Variants in PDE4D observed in about 807,000 individuals in gnomAD.
The protein encoded by PDE4D is phosphodiesterase 4D, also known as 3',5'-cyclic-AMP phosphodiesterase 4D.
In PDE4D, 24 loss-of-function variants were observed where a neutral mutation model predicts 87.4. The observed-to-expected ratio is 0.27, with a 90% CI of 0.20 to 0.39. The LOEUF (loss-of-function observed/expected upper bound fraction) is 0.39, where lower values mean the gene tolerates loss of function less well. Ranked by LOEUF, PDE4D falls within the 10% of genes least tolerant of loss-of-function variation. The pLI, the probability that PDE4D is intolerant of heterozygous loss-of-function variation, is 1.00. For synonymous variants in PDE4D, 384 were observed against 383.2 expected (o/e 1.00, Z -0.02); for missense variants, 714 against 1,041.0 (o/e 0.69, Z 4.32).
intron 1 of PDE4D, among the ~76,000 whole-genome samples, chr5:60,349,401 A>C (rs1347953380): frequency 6.6e-6 from 1 of 152,198 alleles, no homozygotes; most frequent in Non-Finnish European, 1.5e-5. Flanking sequence ...AATCAAATAG[A>C]GACTGAGTGT....
chr5:59,043,540 T>C (rs1654553804), intron 5 of PDE4D, among the ~76,000 whole-genome samples: 3 of 152,108 alleles, frequency 2.0e-5, no homozygotes, highest in Admixed American at 2.0e-4. Context: ...CAAAAAAAAT[T>C]ATAACAACTG....
intron 1 of PDE4D, among the ~76,000 whole-genome samples, chr5:59,638,894 C>T (rs1163433168): frequency 1.3e-5 from 2 of 152,116 alleles, no homozygotes; most frequent in African/African-American, 2.4e-5. Context: ...TGGCATTTCA[C>T]AGGTACTGAA....
At chr5:59,377,503 C>T (rs751127078) in intron 1 of PDE4D, among the ~76,000 whole-genome samples, 1 of 150,892 alleles carries the variant, frequency 6.6e-6, no homozygotes, top group African/African-American at 2.4e-5. Context: ...TCTAATTAAA[C>T]TAAAGAGCTC....
chr5:59,012,415 A>G (rs1753013396), intron 6 of PDE4D, among the ~76,000 whole-genome samples: 2 of 152,220 alleles, frequency 1.3e-5, no homozygotes, highest in African/African-American at 4.8e-5. Flanking sequence ...CCCATCTCAC[A>G]TGCAGAGAGA....
At chr5:60,117,598 T>C (rs1778282194) in intron 2 of PDE4D, among the ~76,000 whole-genome samples, 2 of 152,198 alleles carry the variant, frequency 1.3e-5, no homozygotes, top group Non-Finnish European at 2.9e-5. Context: ...CCCTGAAATT[T>C]GATTTATATT....
At chr5:59,946,983 T>C (rs1286746229) in intron 3 of PDE4D, among the ~76,000 whole-genome samples, 1 of 152,212 alleles carries the variant, frequency 6.6e-6, no homozygotes, top group Non-Finnish European at 1.5e-5. Flanking sequence ...ACATCCCTGT[T>C]TTTATATAAC....
At chr5:60,489,286 T>C (rs1749388760), upstream of PDE4D, among the ~76,000 whole-genome samples, 1 of 152,238 alleles carries the variant, frequency 6.6e-6, no homozygotes, top group African/African-American at 2.4e-5. Flanking sequence ...AACTTGTACA[T>C]AACTAAATCA....
intron 6 of PDE4D, among the ~76,000 whole-genome samples, chr5:59,022,447 C>T (rs954985610): frequency 1.2e-4 from 19 of 152,130 alleles, no homozygotes; most frequent in African/African-American, 4.3e-4. Flanking sequence ...ACTTTGCCCC[C>T]ACTAAGAAAA....
At chr5:60,340,192 C>T (rs1011591351) in intron 1 of PDE4D, among the ~76,000 whole-genome samples, 4 of 152,134 alleles carry the variant, frequency 2.6e-5, no homozygotes, top group African/African-American at 7.2e-5. Flanking sequence ...CTTACAGCGC[C>T]TTTTCAGACA....
chr5:59,924,069 T>C (rs1754979792), intron 3 of PDE4D, among the ~76,000 whole-genome samples: 1 of 152,316 alleles, frequency 6.6e-6, no homozygotes, highest in South Asian at 2.1e-4. Flanking sequence ...AATTCTGTAG[T>C]TGAAAAGTGT....
At chr5:59,335,293 A>G (rs1230363106) in intron 1 of PDE4D, among the ~76,000 whole-genome samples, 1 of 152,032 alleles carries the variant, frequency 6.6e-6, no homozygotes, top group Non-Finnish European at 1.5e-5. Context: ...ATGGGAACCA[A>G]CTCCAAGAAG....
chr5:59,630,324 C>T (rs1831405659), intron 1 of PDE4D, among the ~76,000 whole-genome samples: 1 of 152,168 alleles, frequency 6.6e-6, no homozygotes. Flanking sequence ...TCCAGCCTGA[C>T]ACTCATATTA....
intron 3 of PDE4D, among the ~76,000 whole-genome samples, chr5:59,927,874 T>C (rs1163797740): frequency 6.6e-6 from 1 of 152,244 alleles, no homozygotes; most frequent in East Asian, 1.9e-4. Context: ...AAGTTTACAG[T>C]TCACATGTGG....
chr5:59,989,886 AG>A (rs1419747402), intron 2 of PDE4D, among the ~76,000 whole-genome samples: 1 of 152,166 alleles, frequency 6.6e-6, no homozygotes, highest in African/African-American at 2.4e-5. Context: ...TTGTATTGAT[AG>A]TGTGTTGCTT....
chr5:60,397,141 A>G (rs1038745575), intron 1 of PDE4D, among the ~76,000 whole-genome samples: 14 of 152,232 alleles, frequency 9.2e-5, no homozygotes, highest in African/African-American at 3.1e-4. Context: ...GACAAAAGTT[A>G]GCAAGTGTTA....
chr5:59,213,305 C>T (rs1168774638), intron 2 of PDE4D, among the ~76,000 whole-genome samples: 2 of 151,920 alleles, frequency 1.3e-5, no homozygotes, highest in Non-Finnish European at 2.9e-5. Flanking sequence ...GGACTAAAGG[C>T]ATGTGCCACC....
chr5:59,472,289 C>T (rs1015440790), intron 1 of PDE4D, among the ~76,000 whole-genome samples: 2 of 152,118 alleles, frequency 1.3e-5, no homozygotes. Context: ...TGACTGGAAG[C>T]CAACTTGCAT....
intron 1 of PDE4D, among the ~76,000 whole-genome samples, chr5:60,313,173 C>T (rs950870341): frequency 1.3e-4 from 20 of 151,528 alleles, no homozygotes; most frequent in African/African-American, 4.6e-4. Flanking sequence ...AAAATTGATA[C>T]ACCACTAGCT....
chr5:59,632,166 G>T (rs772697655), intron 1 of PDE4D, among the ~76,000 whole-genome samples: 3 of 152,194 alleles, frequency 2.0e-5, no homozygotes, highest in Non-Finnish European at 4.4e-5. Context: ...GCTCCACAAA[G>T]TTGCTGTAGC....
Sources: gnomAD v4.1 joint callset for allele counts (sites outside exome capture counted in the v4.1 genomes callset) on GRCh38, gnomAD v4.1.1 for gene constraint, MANE v1.5 for transcripts, NCBI Gene and HGNC (gene_info 2026-07-23, HGNC 2026-07-21) for gene names.